CNTNAP5: variants seen among roughly 807,000 people sequenced by gnomAD.
CNTNAP5 encodes contactin-associated protein-like 5.
Under a neutral mutation model 150.2 loss-of-function variants are expected in CNTNAP5, and 72 were observed. The ratio of observed to expected loss-of-function variants is 0.48; its 90% CI spans 0.40 to 0.58. The LOEUF is 0.58. CNTNAP5 is among the 20% of genes least tolerant of loss of function. The probability of loss-of-function intolerance (pLI) is 0.00; values close to 1 mark genes in which losing one functional copy is unlikely to be tolerated. For missense variants in CNTNAP5, 1,636 were observed against 1,626.2 expected (o/e 1.01, Z -0.10); for synonymous variants, 672 against 619.8 (o/e 1.08, Z -1.25).
chr2:124,235,609 T>C (rs1025960701), intron 2 of CNTNAP5, among the ~76,000 whole-genome samples: 2 of 152,186 alleles, frequency 1.3e-5, no homozygotes, highest in Non-Finnish European at 2.9e-5. Context: ...ATAGATGGGC[T>C]TTCCTTTCTG....
Position 124,598,687 on chromosome 2 carries a change from C to T in CNTNAP5, c.1757-11114C>T, listed in dbSNP as rs1182185341. Among the ~76,000 whole-genome samples, 721 of 151,166 alleles carry T rather than the reference C, an allele frequency of 4.8e-3. 1 individual carries two copies. Among genetic ancestry groups the T allele is most frequent in the African/African-American group, 0.014 (570 of 41,200 alleles). ...TGGGCTCCACCCAGTTTGAGCTTCC[C>T]GGCTGCTTTGTTTACCTAATCAAGC... On this transcript the variant is annotated intron_variant, in intron 11 of 23. Coordinates refer to ENST00000682447, the MANE Select transcript of CNTNAP5 (RefSeq NM_001367498.1).
At chr2:124,097,961 G>A (rs1682976250) in intron 1 of CNTNAP5, among the ~76,000 whole-genome samples, 1 of 152,202 alleles carries the variant, frequency 6.6e-6, no homozygotes, top group Non-Finnish European at 1.5e-5. Context: ...CCGGGAGGCG[G>A]AGCTTGCCGT....
At chr2:124,354,179 C>G (rs756314444) in intron 3 of CNTNAP5, among the ~76,000 whole-genome samples, 2 of 152,020 alleles carry the variant, frequency 1.3e-5, no homozygotes, top group Non-Finnish European at 2.9e-5. Context: ...ATTAAAATGA[C>G]CAGGTAAAAA....
At chr2:124,797,946 T>G in intron 18 of CNTNAP5, 150 bp from the exon 19 acceptor site, 1 of 624,074 alleles carries the variant, frequency 1.6e-6, no homozygotes, top group Non-Finnish European at 2.8e-6. Flanking sequence ...CTTCTGCCAC[T>G]TCAAAATTAT....
At chr2:124,148,405 G>A (rs796714239) in intron 1 of CNTNAP5, among the ~76,000 whole-genome samples, 3 of 149,750 alleles carry the variant, frequency 2.0e-5, no homozygotes, top group African/African-American at 7.3e-5. Flanking sequence ...AGATTGTCAT[G>A]AGCCAGGGAC....
At chr2:124,237,026 G>A (rs1189467658) in intron 2 of CNTNAP5, among the ~76,000 whole-genome samples, 2 of 152,100 alleles carry the variant, frequency 1.3e-5, no homozygotes, top group East Asian at 3.9e-4. Context: ...CTTCTCAGGA[G>A]GCTGAGGCAG....
Position 124,580,006 on chromosome 2 carries a change from C to T in CNTNAP5, c.1756+16683C>T, listed in dbSNP as rs527819363. On this transcript the variant is annotated intron_variant, in intron 11 of 23. Coordinates refer to ENST00000682447, the MANE Select transcript of CNTNAP5 (RefSeq NM_001367498.1). Reference sequence around the variant, plus strand: ...GGAAATACATAGATCCTAGAACAGGCCAGGTTTTGTTCTTTGTTTGTTTGT... The same window carrying T: ...GGAAATACATAGATCCTAGAACAGGTCAGGTTTTGTTCTTTGTTTGTTTGT... Among the ~76,000 whole-genome samples the T allele has an allele frequency of 5.6e-4, 85 of 152,294 alleles. 1 individual carries two copies. Among genetic ancestry groups the T allele is most frequent in the African/African-American group, 1.9e-3 (80 of 41,550 alleles).
intron 13 of CNTNAP5, among the ~76,000 whole-genome samples, chr2:124,705,360 T>G (rs2105094616): frequency 6.6e-6 from 1 of 152,206 alleles, no homozygotes; most frequent in Admixed American, 6.5e-5. Context: ...AGACCTCGTC[T>G]CTACTAAAAA....
At chr2:124,847,707 C>G (rs1300284032) in intron 19 of CNTNAP5, among the ~76,000 whole-genome samples, 1 of 152,136 alleles carries the variant, frequency 6.6e-6, no homozygotes, top group Non-Finnish European at 1.5e-5. Context: ...CCACACACTG[C>G]TCTGTCCATC....
At chr2:124,510,656 G>A (rs1217213981) in intron 8 of CNTNAP5, among the ~76,000 whole-genome samples, 1 of 151,740 alleles carries the variant, frequency 6.6e-6, no homozygotes, top group Non-Finnish European at 1.5e-5. Context: ...GCTGCCAAGT[G>A]ACATGAGGTC....
At chr2:124,874,151 C>A (rs1355103291) in intron 21 of CNTNAP5, among the ~76,000 whole-genome samples, 1 of 152,020 alleles carries the variant, frequency 6.6e-6, no homozygotes, top group Non-Finnish European at 1.5e-5. Context: ...TGTTGATGCT[C>A]AAATCCATCA....
chr2:124,278,358 C>T (rs1687936345), intron 3 of CNTNAP5, among the ~76,000 whole-genome samples: 1 of 152,020 alleles, frequency 6.6e-6, no homozygotes, highest in Non-Finnish European at 1.5e-5. Context: ...GGCATTTGCT[C>T]CTATAGAGAA....
chr2:124,575,701 G>T (rs991438815), intron 11 of CNTNAP5, among the ~76,000 whole-genome samples: 1 of 152,192 alleles, frequency 6.6e-6, no homozygotes, highest in Non-Finnish European at 1.5e-5. Context: ...TCTGGCATTA[G>T]GTTGAGCTCC....
intron 19 of CNTNAP5, among the ~76,000 whole-genome samples, chr2:124,803,108 CCTT>C (rs1182975304): frequency 1.9e-4 from 27 of 142,252 alleles, no homozygotes; most frequent in African/African-American, 3.7e-4. Flanking sequence ...GAGCAAGACT[CCTT>C]CAAAAAAAAA....
chr2:124,685,110 G>A (rs942838108), intron 13 of CNTNAP5, among the ~76,000 whole-genome samples: 15 of 152,062 alleles, frequency 9.9e-5, no homozygotes, highest in Non-Finnish European at 2.1e-4. Flanking sequence ...CTTCACATTG[G>A]TTAATAAAGG....
chr2:124,545,724 A>G (rs1192726455), intron 10 of CNTNAP5, among the ~76,000 whole-genome samples: 1 of 151,980 alleles, frequency 6.6e-6, no homozygotes, highest in East Asian at 1.9e-4. Flanking sequence ...GCGTCACATA[A>G]AGACCTATAC....
intron 13 of CNTNAP5, among the ~76,000 whole-genome samples, chr2:124,707,823 G>T (rs80073563): frequency 6.6e-6 from 1 of 152,048 alleles, no homozygotes. Context: ...CTCAAGTATC[G>T]TAAATTTCCT....
chr2:124,207,650 G>A (rs561830778), intron 1 of CNTNAP5, among the ~76,000 whole-genome samples: 13 of 152,110 alleles, frequency 8.5e-5, no homozygotes, highest in South Asian at 4.1e-4. Flanking sequence ...GCAATGAAAC[G>A]AAATTTTCCC....
chr2:124,667,256 G>A (rs916633982), intron 13 of CNTNAP5, among the ~76,000 whole-genome samples: 1 of 152,190 alleles, frequency 6.6e-6, no homozygotes, highest in Non-Finnish European at 1.5e-5. Flanking sequence ...TCTACTTCCT[G>A]CTAAATGGAG....
Sources: allele counts gnomAD v4.1 joint callset (sites outside exome capture counted in the v4.1 genomes callset), GRCh38; gene constraint gnomAD v4.1.1; transcripts MANE v1.5; gene names NCBI Gene and HGNC (gene_info 2026-07-23, HGNC 2026-07-21).